TET3: variants seen among roughly 807,000 people sequenced by gnomAD.
TET3 encodes the protein methylcytosine dioxygenase TET3.
TET3 carries 19 observed loss-of-function variants against 141.4 expected under a neutral mutation model. That is an observed-to-expected ratio of 0.13 (90% CI 0.09 to 0.20). TET3 has a LOEUF of 0.20. Ranked by LOEUF, TET3 falls within the 10% of genes least tolerant of loss-of-function variation. The pLI is 1.00. For synonymous variants in TET3, 1,043 were observed against 980.9 expected (o/e 1.06, Z -1.18); for missense variants, 1,874 against 2,356.9 (o/e 0.80, Z 4.24).
At chr2:74,097,966 A>G (rs563466003) in intron 10 of TET3, among the ~76,000 whole-genome samples, 361 of 152,338 alleles carry the variant, frequency 2.4e-3, no homozygotes, top group Non-Finnish European at 4.0e-3. Context: ...AAATAAGAAA[A>G]TATAGTCAAC....
intron 2 of TET3, among the ~76,000 whole-genome samples, chr2:73,987,812 C>G (rs1337634730): frequency 6.6e-6 from 1 of 152,188 alleles, no homozygotes; most frequent in African/African-American, 2.4e-5. Context: ...GAGCTGCTTG[C>G]TTCTGAGGAC....
At chr2:74,062,223 A>G (rs1013210519) in intron 4 of TET3, among the ~76,000 whole-genome samples, 3 of 152,240 alleles carry the variant, frequency 2.0e-5, no homozygotes, top group Admixed American at 6.5e-5. Context: ...GCTGGAGACC[A>G]GCCCGGCCAA....
At chr2:74,132,784 T>G in the TET3 span, among the ~76,000 whole-genome samples, 1 of 152,238 alleles carries the variant, frequency 6.6e-6, no homozygotes, top group Non-Finnish European at 1.5e-5. Flanking sequence ...AAAGCTGATC[T>G]GTAGAGAGGA....
intron 3 of TET3, among the ~76,000 whole-genome samples, chr2:74,004,562 C>G (rs148439002): frequency 6.6e-6 from 1 of 152,288 alleles, no homozygotes; most frequent in East Asian, 1.9e-4. Context: ...GCTTCTGGAG[C>G]AGCTTCTGGG....
At chr2:74,059,338 C>G (rs1294216840) in intron 4 of TET3, among the ~76,000 whole-genome samples, 1 of 152,230 alleles carries the variant, frequency 6.6e-6, no homozygotes, top group Non-Finnish European at 1.5e-5. Context: ...CTGCAACCTT[C>G]GCCTCCCCGG....
At chr2:74,004,124 G>A (rs112197499) in intron 3 of TET3, among the ~76,000 whole-genome samples, 150 of 152,266 alleles carry the variant, frequency 9.9e-4, no homozygotes, top group Middle Eastern at 3.4e-3. Context: ...CTGGAAGGGA[G>A]CATGGGGCAG....
intron 2 of TET3, chr2:73,998,367 T>C (rs1245316004): frequency 6.6e-6 from 1 of 152,194 alleles, no homozygotes; most frequent in African/African-American, 2.4e-5. Flanking sequence ...GCATGTAGGG[T>C]ATAGGCAGAG....
chr2:74,125,126 C>A, the TET3 span, among the ~76,000 whole-genome samples: 15 of 151,736 alleles, frequency 9.9e-5, no homozygotes, highest in African/African-American at 1.5e-4. Context: ...CCTCCCTCAG[C>A]CTCCTGAGTA....
chr2:74,081,485 G>A (rs1238477192), intron 6 of TET3, among the ~76,000 whole-genome samples: 1 of 152,254 alleles, frequency 6.6e-6, no homozygotes, highest in African/African-American at 2.4e-5. Flanking sequence ...TTCAGAGGAG[G>A]AGGAATGCTC....
chr2:74,125,694 A>T, the TET3 span, among the ~76,000 whole-genome samples: 5 of 150,174 alleles, frequency 3.3e-5, no homozygotes, highest in South Asian at 8.4e-4. Context: ...AGTATGCTAA[A>T]ATTTTTTTTT....
At chr2:74,057,301 C>A (rs1688269890) in intron 4 of TET3, among the ~76,000 whole-genome samples, 1 of 152,134 alleles carries the variant, frequency 6.6e-6, no homozygotes, top group Non-Finnish European at 1.5e-5. Flanking sequence ...AGAGTACAAC[C>A]CAACCCTCAA....
At chr2:74,043,875 T>C (rs1363950730) in intron 3 of TET3, among the ~76,000 whole-genome samples, 8 of 152,110 alleles carry the variant, frequency 5.3e-5, no homozygotes, top group Non-Finnish European at 8.8e-5. Context: ...TAAAACACTT[T>C]GAGGCCAGAC....
At chr2:73,993,308 T>C (rs1684426401) in intron 2 of TET3, 1 of 152,246 alleles carries the variant, frequency 6.6e-6, no homozygotes, top group South Asian at 2.1e-4. Flanking sequence ...CAGCCTCACT[T>C]CCACCTTGCT....
chr2:74,129,316 CAAAAAAAAAAAAAAA>C, the TET3 span, among the ~76,000 whole-genome samples: 1 of 51,292 alleles, frequency 1.9e-5, no homozygotes, highest in African/African-American at 7.9e-5. Flanking sequence ...AACTCCGTCT[CAAAAAAAAAAAAAAA>C]AAAAAAAAAA....
At chr2:74,114,174 G>A in the TET3 span, among the ~76,000 whole-genome samples, 3 of 152,094 alleles carry the variant, frequency 2.0e-5, no homozygotes, top group Non-Finnish European at 4.4e-5. Context: ...ACTGATTGTT[G>A]GCAAAGATGC....
At position 74,048,330 on chromosome 2, in the gene TET3, T is replaced by G; in HGVS notation, c.2413T>G (p.Tyr805Asp). ...TGGCTTCTTGGAGTCACCTCTTAAG[T>G]ACCTGGACACACCCACCAAGAGTCT... ...LSGFLESPLKYLDTPTKSLLD... is the reference protein window; with the variant it reads ...LSGFLESPLKDLDTPTKSLLD... The change falls in exon 4 of 12, where the codon TAC (tyrosine) becomes GAC (aspartate). Residue 805 changes from tyrosine to aspartate, a missense_variant. Coordinates refer to ENST00000409262, the MANE Select transcript of TET3 (RefSeq NM_001287491.2). 6.2e-7 allele frequency: 1 copy of G among 1,613,820 alleles called. No homozygotes were observed. The highest frequency in any genetic ancestry group is 8.5e-7 in the Non-Finnish European group (1 of 1,179,862).
At chr2:74,025,223 CAA>C (rs1195395463) in intron 3 of TET3, among the ~76,000 whole-genome samples, 16 of 64,778 alleles carry the variant, frequency 2.5e-4, no homozygotes, top group African/African-American at 3.2e-4. Flanking sequence ...GACTCCGCCT[CAA>C]AAAAAAAAAA....
intron 2 of TET3, among the ~76,000 whole-genome samples, chr2:73,995,673 C>T (rs550986746): frequency 6.6e-5 from 10 of 152,232 alleles, no homozygotes; most frequent in South Asian, 4.1e-4. Flanking sequence ...ATGTATTGGA[C>T]GGTGCAGATA....
At chr2:74,015,372 C>G (rs955095853) in intron 3 of TET3, among the ~76,000 whole-genome samples, 1 of 152,138 alleles carries the variant, frequency 6.6e-6, no homozygotes, top group Non-Finnish European at 1.5e-5. Context: ...TAATTAGAAA[C>G]TGAGAATCCC....
Sources: allele counts gnomAD v4.1 joint callset (sites outside exome capture counted in the v4.1 genomes callset), GRCh38; gene constraint gnomAD v4.1.1; transcripts MANE v1.5; gene names NCBI Gene and HGNC (gene_info 2026-07-23, HGNC 2026-07-21).